Variants in CTXN3 observed in about 807,000 individuals in gnomAD.
CTXN3 encodes the protein cortexin-3.
In CTXN3, 4 loss-of-function variants were observed where a neutral mutation model predicts 5.0. That is an observed-to-expected ratio of 0.79 (90% CI 0.39 to 1.82). The LOEUF is 1.82. CTXN3 is among the 40% of genes most tolerant of loss of function. CTXN3 has a pLI of 0.04. For missense variants in CTXN3, 89 were observed against 99.7 expected, an observed-to-expected ratio of 0.89 and a Z score of 0.46; for synonymous variants, 48 against 38.6, an observed-to-expected ratio of 1.24 and a Z score of -0.91.
chr5:127,649,978 A>G (rs748162008), intron 1 of CTXN3, among the ~76,000 whole-genome samples: 4 of 152,108 alleles, frequency 2.6e-5, no homozygotes, highest in Admixed American at 6.6e-5. Context: ...GTGCCTTCTG[A>G]TACCACCGAT....
chr5:127,655,831 T>C (rs1039028765), intron 2 of CTXN3, among the ~76,000 whole-genome samples: 8 of 152,346 alleles, frequency 5.3e-5, no homozygotes, highest in African/African-American at 1.9e-4. Flanking sequence ...GCAACTGTTA[T>C]AGCCTTTAAA....
chr5:127,656,395 A>G (rs1749908029), intron 2 of CTXN3, among the ~76,000 whole-genome samples: 1 of 152,170 alleles, frequency 6.6e-6, no homozygotes, highest in Non-Finnish European at 1.5e-5. Flanking sequence ...AGTAAAATTA[A>G]AATAGTGTTA....
intron 2 of CTXN3, among the ~76,000 whole-genome samples, chr5:127,656,929 C>T (rs1411499915): frequency 6.6e-6 from 1 of 152,186 alleles, no homozygotes; most frequent in African/African-American, 2.4e-5. Flanking sequence ...TTTCTAGCCT[C>T]AGTTTCCTTG....
At chr5:127,653,476 T>G (rs901358618) in intron 2 of CTXN3, 53 bp downstream of exon 2, 1 of 152,200 alleles carries the variant, frequency 6.6e-6, no homozygotes, top group African/African-American at 2.4e-5. Context: ...TGTGTTATTA[T>G]GAAGGCTTCT....
chr5:127,651,277 C>T (rs1028904480), intron 1 of CTXN3, among the ~76,000 whole-genome samples: 4 of 152,130 alleles, frequency 2.6e-5, no homozygotes, highest in African/African-American at 4.8e-5. Context: ...TTTGAAACCA[C>T]GTCAAGTCAC....
At chr5:127,657,293 T>C (rs1749931059) in intron 2 of CTXN3, 130 bp from the exon 3 acceptor site, 1 of 536,340 alleles carries the variant, frequency 1.9e-6, no homozygotes. Flanking sequence ...TTATACAGAA[T>C]TGAGCATCTC....
intron 1 of CTXN3, among the ~76,000 whole-genome samples, chr5:127,649,940 T>G (rs898357489): frequency 6.6e-6 from 1 of 152,132 alleles, no homozygotes; most frequent in African/African-American, 2.4e-5. Context: ...GCTTATTATT[T>G]GAAGTTAAAA....
chr5:127,650,736 T>C lies in CTXN3; in HGVS notation c.-207+1348T>C, dbSNP rs546070930. On this transcript the variant is annotated intron_variant, in intron 1 of 2. Coordinates refer to ENST00000379445, the MANE Select transcript of CTXN3 (RefSeq NM_001048252.3). ...AGGGGAATAATATTTGCTTATGTGG[T>C]GATTCTGTTGCTTAGATAACGAGGT... Among the ~76,000 whole-genome samples, 9 of 152,334 alleles carry C rather than the reference T, an allele frequency of 5.9e-5. No homozygotes were observed. In the South Asian group the frequency reaches 1.9e-3, roughly 32 times the overall value.
chr5:127,654,688 G>A (rs1749865254), intron 2 of CTXN3, among the ~76,000 whole-genome samples: 1 of 152,152 alleles, frequency 6.6e-6, no homozygotes, highest in African/African-American at 2.4e-5. Flanking sequence ...CATTTGCCCT[G>A]TATGGAAGAG....
chr5:127,649,434 T>C (rs1039845883), intron 1 of CTXN3, 46 bp downstream of exon 1: 10 of 152,234 alleles, frequency 6.6e-5, no homozygotes, highest in Admixed American at 6.5e-4. Context: ...TAAATGCTTT[T>C]CTCTAACTTT....
At position 127,650,881 on chromosome 5, in the gene CTXN3, T is replaced by A. The variant is rs374521402; in HGVS notation, c.-207+1493T>A. The stretch of plus-strand genomic sequence containing the variant: ...GAAATGTACTTTGAGAGACTACAGT[T>A]ATACAAACAGGAATGCAGCCCAGGC... On this transcript the variant is annotated intron_variant, in intron 1 of 2. Coordinates refer to ENST00000379445, the MANE Select transcript of CTXN3 (RefSeq NM_001048252.3). Among the ~76,000 whole-genome samples, 55 of 152,294 alleles carry A rather than the reference T, an allele frequency of 3.6e-4. No homozygotes were observed. The East Asian group carries it at 7.7e-3, about 21-fold the overall frequency.
intron 2 of CTXN3, among the ~76,000 whole-genome samples, chr5:127,654,339 T>A (rs977151744): frequency 6.6e-6 from 1 of 152,180 alleles, no homozygotes; most frequent in African/African-American, 2.4e-5. Flanking sequence ...ATATTTATAT[T>A]TTAGGAGGCT....
intron 2 of CTXN3, 173 bp downstream of exon 2, chr5:127,653,596 A>T (rs1022130507): frequency 1.3e-5 from 2 of 152,236 alleles, no homozygotes; most frequent in African/African-American, 2.4e-5. Flanking sequence ...ATTTTCTAAG[A>T]ATCATTTTTA....
rs560276692 is a variant in CTXN3 at position 127,650,217 on chromosome 5, C to T, written c.-207+829C>T. ...AGGGTCCACTCCCAGCCCAAGCAGA[C>T]GTGTCTGCAGGCTGACTTTGCAGAA... On this transcript the variant is annotated intron_variant, in intron 1 of 2. Coordinates refer to ENST00000379445, the MANE Select transcript of CTXN3 (RefSeq NM_001048252.3). 3.8e-4 allele frequency among the ~76,000 whole-genome samples: 58 copies of T among 152,268 alleles called. No individual in the cohort carries two copies. In the South Asian group the frequency reaches 0.012, roughly 31 times the overall value.
chr5:127,656,976 T>C (rs1749921645), intron 2 of CTXN3, among the ~76,000 whole-genome samples: 1 of 152,196 alleles, frequency 6.6e-6, no homozygotes. Context: ...TCGTGAAGCT[T>C]GCAGTAAAGT....
chr5:127,654,521 A>G (rs573166002), intron 2 of CTXN3, among the ~76,000 whole-genome samples: 1 of 152,328 alleles, frequency 6.6e-6, no homozygotes, highest in East Asian at 1.9e-4. Context: ...CAGATATGGC[A>G]GATAATCTGA....
rs188132166 is a variant in CTXN3 at position 127,657,593 on chromosome 5, C to T, written c.72C>T (p.Ser24=). 7.4e-6 allele frequency: 12 copies of T among 1,614,158 alleles called. No homozygotes were observed. In the Admixed American group the frequency reaches 1.3e-4, roughly 18 times the overall value. The change falls in exon 3 of 3, where the codon TCC becomes TCT. Residue 24 remains serine, a synonymous_variant. Coordinates refer to ENST00000379445, the MANE Select transcript of CTXN3 (RefSeq NM_001048252.3). ...ACGAATCAGCAGATTCTAGCATGTC[C>T]CTGGAGCAGAAAATGACATTTGTTT... is the stretch of plus-strand genomic sequence containing the variant. ...LGNESADSSM[S]LEQKMTFVFV... is the part of the protein sequence containing the mutation.
Position 127,649,178 on chromosome 5 carries a change from C to T in CTXN3, c.-417C>T, listed in dbSNP as rs1749734398. 1 of 152,178 alleles carries T rather than the reference C, an allele frequency of 6.6e-6. No homozygotes were observed. Among genetic ancestry groups the T allele is most frequent in the African/African-American group, 2.4e-5 (1 of 41,422 alleles). The allele number at this position is 152,178 out of a possible 1,614,324, so 9.4% of individuals were successfully genotyped here. A position where few individuals can be genotyped will look rare whatever the true frequency, so the allele number is the denominator to read the frequency against. ...GTTAATGATGCCTCACACAGAAAGA[C>T]GATGCTCCTTTAACTCGGGGTTTTA... On this transcript the variant is annotated 5_prime_UTR_variant, in exon 1 of 3. It adds an upstream start codon to the 5' untranslated region. Coordinates refer to ENST00000379445, the MANE Select transcript of CTXN3 (RefSeq NM_001048252.3).
intron 2 of CTXN3, among the ~76,000 whole-genome samples, chr5:127,656,665 A>C (rs1216687853): frequency 6.6e-6 from 1 of 152,206 alleles, no homozygotes; most frequent in Non-Finnish European, 1.5e-5. Flanking sequence ...AGGAAAGGAG[A>C]AGCAGCATAG....
Sources: gnomAD v4.1 joint callset for allele counts (sites outside exome capture counted in the v4.1 genomes callset) on GRCh38, gnomAD v4.1.1 for gene constraint, MANE v1.5 for transcripts, NCBI Gene and HGNC (gene_info 2026-07-23, HGNC 2026-07-21) for gene names.